TSPEAR: variants seen among roughly 807,000 people sequenced by gnomAD.
TSPEAR encodes the protein thrombospondin type laminin G domain and EAR repeats.
A neutral mutation model predicts 71.6 loss-of-function variants in TSPEAR; 69 were observed. That is an observed-to-expected ratio of 0.96 (90% confidence interval 0.79 to 1.18). TSPEAR has a LOEUF of 1.18. TSPEAR is among the 50% of genes most tolerant of loss of function. TSPEAR has a pLI of 0.00. For missense variants in TSPEAR, 971 were observed against 894.9 expected (o/e 1.09, Z -1.09); for synonymous variants, 402 against 387.2 (o/e 1.04, Z -0.45).
chr21:44,568,036 C>A lies in TSPEAR; in HGVS notation c.83-31G>T, dbSNP rs587687678. ...GCAAAGAAATCACAGGTGGGTTAGG[C>A]CAGGACACCCCCAAAAGTGGATACC... On this transcript the variant is annotated intron_variant, in intron 1 of 11. Transcript: ENST00000323084. 9.5e-5 allele frequency: 140 copies of A among 1,476,674 alleles called. 2 individuals are homozygous for A. In the South Asian group the frequency reaches 2.0e-3, roughly 21 times the overall value. 91.5% of individuals were successfully genotyped at this position (1,476,674 alleles called of 1,614,324 possible). A position where few individuals can be genotyped will look rare whatever the true frequency, so the allele number is the denominator to read the frequency against.
chr21:44,510,339 C>G (rs1020122140), intron 9 of TSPEAR, among the ~76,000 whole-genome samples: 3 of 152,214 alleles, frequency 2.0e-5, no homozygotes, highest in Non-Finnish European at 4.4e-5. Flanking sequence ...CTGACTCACC[C>G]CCGTCCGGAG....
chr21:44,673,555 C>T (rs4818954), intron 1 of TSPEAR, among the ~76,000 whole-genome samples: 24,806 of 152,120 alleles, frequency 0.16, 2,102 homozygotes, highest in Admixed American at 0.17. Context: ...ATCATCCAGA[C>T]AGAAAATCAA....
At chr21:44,637,279 G>A in intron 1 of TSPEAR, 1 of 1,144,928 alleles carries the variant, frequency 8.7e-7, no homozygotes, top group Non-Finnish European at 1.3e-6. Context: ...GAAGGGGAGG[G>A]CATTGCTGAG....
At chr21:44,596,797 A>G (rs1311962461) in intron 1 of TSPEAR, among the ~76,000 whole-genome samples, 4 of 152,090 alleles carry the variant, frequency 2.6e-5, no homozygotes, top group Admixed American at 2.0e-4. Context: ...ATTTCTTTCA[A>G]TTGTCTCTGT....
intron 2 of TSPEAR, among the ~76,000 whole-genome samples, chr21:44,557,513 A>G (rs59655807): frequency 0.03 from 4,507 of 152,178 alleles, 223 homozygotes; most frequent in African/African-American, 0.1. Flanking sequence ...AGACAGGCAG[A>G]GGAAGGAGAG....
intron 5 of TSPEAR, among the ~76,000 whole-genome samples, 159 bp from the exon 6 acceptor site, chr21:44,528,742 C>T (rs1487367170): frequency 3.9e-5 from 6 of 152,260 alleles, no homozygotes; most frequent in Admixed American, 1.3e-4. Context: ...TGCCACATCA[C>T]AGACGGGGAA....
intron 9 of TSPEAR, chr21:44,516,212 A>G (rs2052563530): frequency 6.6e-6 from 1 of 152,294 alleles, no homozygotes. Flanking sequence ...ATCAGCAGGA[A>G]TTCCAGGGCT....
At position 44,591,814 on chromosome 21, in the gene TSPEAR, C is replaced by T. The variant is rs199957699; in HGVS notation, c.83-23809G>A. The stretch of plus-strand genomic sequence containing the variant: ...GACGGGCACGCAGCAGGCCTGCTGG[C>T]AGGGGGAGGAGGTGCAGCAAGTTGG... On this transcript the variant is annotated intron_variant, in intron 1 of 11. Coordinates refer to ENST00000323084, the MANE Select transcript of TSPEAR (RefSeq NM_144991.3). 1.8e-5 allele frequency: 28 copies of T among 1,598,248 alleles called. No individual in the cohort carries two copies. Among genetic ancestry groups the T allele is most frequent in the Non-Finnish European group, 2.3e-5 (27 of 1,174,606 alleles).
chr21:44,674,731 A>AGTGTGTGTGT lies in TSPEAR; in HGVS notation c.82+36692_82+36701dup, dbSNP rs59452363. ...TGACAAAGGGAGACTCTGTCTTTAA[A>AGTGTGTGTGT]GTGTGTGTGTGTGTGTGTGTGTGTG... On this transcript the variant is annotated intron_variant, in intron 1 of 11. Coordinates refer to ENST00000323084, the MANE Select transcript of TSPEAR (RefSeq NM_144991.3). 1.9e-3 allele frequency among the ~76,000 whole-genome samples: 245 copies of AGTGTGTGTGT among 127,144 alleles called. 1 individual carries two copies. Among genetic ancestry groups the AGTGTGTGTGT allele is most frequent in the Admixed American group, 2.8e-3 (35 of 12,426 alleles). The allele number at this position is 127,144 out of a possible 152,430, so 83.4% of individuals were successfully genotyped here.
At chr21:44,550,947 G>A (rs1337150902) in intron 2 of TSPEAR, 2 of 1,503,744 alleles carry the variant, frequency 1.3e-6, no homozygotes, top group Non-Finnish European at 1.8e-6. Context: ...GGTGCAGCAA[G>A]CCGGCTGGCA....
chr21:44,617,235 A>G (rs1285940578), intron 1 of TSPEAR, among the ~76,000 whole-genome samples: 3 of 152,232 alleles, frequency 2.0e-5, no homozygotes, highest in Non-Finnish European at 4.4e-5. Context: ...ATGGGGGGAC[A>G]CTTGGGCTCC....
chr21:44,631,956 A>G (rs1429375187), intron 1 of TSPEAR, among the ~76,000 whole-genome samples: 1 of 152,222 alleles, frequency 6.6e-6, no homozygotes. Context: ...TAATGGGGAC[A>G]GAGTTTCAGT....
intron 10 of TSPEAR, among the ~76,000 whole-genome samples, chr21:44,505,535 T>C: frequency 2.4e-5 from 2 of 84,942 alleles, no homozygotes; most frequent in African/African-American, 4.2e-5. Flanking sequence ...AAACCGAAGC[T>C]CTGCACCCAG....
Position 44,706,415 on chromosome 21 carries a change from A to G in TSPEAR, c.82+5018T>C, listed in dbSNP as rs752666. 5.4e-3 allele frequency among the ~76,000 whole-genome samples: 815 copies of G among 151,142 alleles called. 2 individuals carry two copies. The highest frequency in any genetic ancestry group is 8.4e-3 in the Non-Finnish European group (569 of 67,732). ...CACCCATGCGCACGCACCCATGCAC[A>G]CACACGCGCGCACACACCCACGTGC... On this transcript the variant is annotated intron_variant, in intron 1 of 11. Coordinates refer to ENST00000323084, the MANE Select transcript of TSPEAR (RefSeq NM_144991.3).
chr21:44,564,791 A>C (rs1385595601), intron 2 of TSPEAR, among the ~76,000 whole-genome samples: 3 of 151,830 alleles, frequency 2.0e-5, no homozygotes, highest in African/African-American at 7.2e-5. Context: ...AGTCTAGCAG[A>C]CACCTTTAGA....
chr21:44,681,286 C>T (rs1986572202), intron 1 of TSPEAR, among the ~76,000 whole-genome samples: 1 of 152,204 alleles, frequency 6.6e-6, no homozygotes, highest in African/African-American at 2.4e-5. Context: ...AGGCTTTGGC[C>T]ATCAATGCAG....
intron 2 of TSPEAR, chr21:44,539,164 G>T: frequency 1.4e-6 from 2 of 1,397,560 alleles, no homozygotes; most frequent in Non-Finnish European, 1.9e-6. Flanking sequence ...AGCAAGGAGG[G>T]GGGGTCACCT....
chr21:44,683,293 G>A (rs1015362864), intron 1 of TSPEAR, among the ~76,000 whole-genome samples: 24 of 117,102 alleles, frequency 2.0e-4, no homozygotes, highest in Non-Finnish European at 3.6e-4. Flanking sequence ...AGTAACTGAC[G>A]GCTAGAACAA....
intron 1 of TSPEAR, among the ~76,000 whole-genome samples, chr21:44,632,664 T>G (rs144708631): frequency 9.1e-4 from 139 of 152,234 alleles, no homozygotes; most frequent in African/African-American, 3.3e-3. Context: ...TGAAACTCCA[T>G]CTCTGCTAAA....
Sources: allele counts gnomAD v4.1 joint callset (sites outside exome capture counted in the v4.1 genomes callset), GRCh38; gene constraint gnomAD v4.1.1; transcripts MANE v1.5; gene names NCBI Gene and HGNC (gene_info 2026-07-23, HGNC 2026-07-21).